TASOR: variants seen among roughly 807,000 people sequenced by gnomAD.
TASOR encodes the protein protein TASOR.
A neutral mutation model predicts 178.6 loss-of-function variants in TASOR; 53 were observed. The ratio of observed to expected loss-of-function variants is 0.30; its 90% CI spans 0.24 to 0.37. The LOEUF (loss-of-function observed/expected upper bound fraction) is 0.37. Among genes scored for constraint, TASOR ranks in the 10% least tolerant of loss-of-function variants. The probability of loss-of-function intolerance (pLI) is 1.00; values close to 1 mark genes in which losing one functional copy is unlikely to be tolerated. For missense variants in TASOR, 1,815 were observed against 1,971.4 expected (o/e 0.92, Z 1.50); for synonymous variants, 713 against 696.2 (o/e 1.02, Z -0.38).
chr3:56,636,818 T>C (rs1214126867), intron 17 of TASOR, among the ~76,000 whole-genome samples: 1 of 152,140 alleles, frequency 6.6e-6, no homozygotes, highest in Non-Finnish European at 1.5e-5. Flanking sequence ...TTACAAAATA[T>C]AAAGATGGTA....
At chr3:56,653,671 T>C (rs924858092) in intron 11 of TASOR, among the ~76,000 whole-genome samples, 62 of 147,428 alleles carry the variant, frequency 4.2e-4, no homozygotes, top group African/African-American at 1.5e-3. Context: ...TGTACAAAAA[T>C]TGACCACACA....
At chr3:56,660,022 C>T (rs1341694476) in intron 11 of TASOR, among the ~76,000 whole-genome samples, 2 of 151,920 alleles carry the variant, frequency 1.3e-5, no homozygotes, top group Non-Finnish European at 2.9e-5. Context: ...TTACACCACA[C>T]CAAGCTAATT....
intron 16 of TASOR, among the ~76,000 whole-genome samples, chr3:56,639,259 A>G (rs2077074204): frequency 6.6e-6 from 1 of 152,184 alleles, no homozygotes; most frequent in Non-Finnish European, 1.5e-5. Flanking sequence ...TTGTTTTTAA[A>G]AGGTTAGAGG....
At chr3:56,640,155 T>C (rs1335028286) in intron 15 of TASOR, 25 bp from the exon 16 acceptor site, 2 of 1,595,854 alleles carry the variant, frequency 1.3e-6, no homozygotes, top group South Asian at 2.3e-5. Flanking sequence ...ACACACTGAA[T>C]AGCTTTATTT....
At chr3:56,663,508 AT>A in intron 8 of TASOR, 32 bp downstream of exon 8, 1 of 1,031,636 alleles carries the variant, frequency 9.7e-7, no homozygotes. Context: ...TATTCTTTCC[AT>A]TTATAAAACT....
chr3:56,654,880 T>C (rs1484412233), intron 11 of TASOR, among the ~76,000 whole-genome samples: 1 of 152,212 alleles, frequency 6.6e-6, no homozygotes, highest in Non-Finnish European at 1.5e-5. Context: ...ACTGAAACTG[T>C]ACCATTGGCT....
intron 15 of TASOR, among the ~76,000 whole-genome samples, chr3:56,640,783 A>G (rs2077104988): frequency 6.6e-6 from 1 of 152,184 alleles, no homozygotes. Context: ...TAAGGCAGAT[A>G]AGGCTACTTC....
chr3:56,643,436 G>A (rs1047175686), intron 14 of TASOR, among the ~76,000 whole-genome samples: 1 of 151,646 alleles, frequency 6.6e-6, no homozygotes, highest in African/African-American at 2.4e-5. Flanking sequence ...AAATGACTGG[G>A]CTCACCACCA....
At chr3:56,680,037 A>G (rs985273314) in intron 1 of TASOR, among the ~76,000 whole-genome samples, 3 of 152,168 alleles carry the variant, frequency 2.0e-5, no homozygotes, top group African/African-American at 7.2e-5. Context: ...TCTATATTTA[A>G]TGAAGGGGGG....
intron 11 of TASOR, among the ~76,000 whole-genome samples, chr3:56,659,938 G>A (rs1423496447): frequency 3.3e-5 from 5 of 151,520 alleles, no homozygotes; most frequent in Non-Finnish European, 5.9e-5. Context: ...GCAATGGTAC[G>A]ATCTTGGCTC....
chr3:56,646,355 A>G (rs2077238039), intron 14 of TASOR, among the ~76,000 whole-genome samples, 167 bp downstream of exon 14: 1 of 152,232 alleles, frequency 6.6e-6, no homozygotes. Context: ...GAGCAGCTAC[A>G]TACACATAAA....
intron 11 of TASOR, among the ~76,000 whole-genome samples, chr3:56,653,539 A>C (rs1189991742): frequency 1.3e-5 from 2 of 152,034 alleles, no homozygotes; most frequent in Non-Finnish European, 2.9e-5. Context: ...CCTAAACAAA[A>C]ATAGAAGCCA....
intron 1 of TASOR, 35 bp downstream of exon 1, chr3:56,682,641 A>G (rs1421694009): frequency 4.2e-6 from 6 of 1,420,934 alleles, no homozygotes; most frequent in South Asian, 1.5e-5. Context: ...TGGAGGGGAG[A>G]GAGAGAGGGG....
intron 1 of TASOR, among the ~76,000 whole-genome samples, chr3:56,681,111 G>C (rs1181174027): frequency 3.3e-5 from 5 of 150,042 alleles, no homozygotes; most frequent in Non-Finnish European, 3.0e-5. Flanking sequence ...AAAAAATCAC[G>C]GTTTGTCCAT....
chr3:56,668,180 A>G (rs1359715783), intron 6 of TASOR, among the ~76,000 whole-genome samples: 1 of 152,154 alleles, frequency 6.6e-6, no homozygotes, highest in Non-Finnish European at 1.5e-5. Flanking sequence ...GTCTATAAAT[A>G]TTACCCTGTA....
chr3:56,679,438 C>T (rs1254830431), intron 1 of TASOR, among the ~76,000 whole-genome samples: 3 of 152,144 alleles, frequency 2.0e-5, no homozygotes, highest in Non-Finnish European at 4.4e-5. Context: ...ATGGAGAGAG[C>T]TATTGTTCTC....
intron 6 of TASOR, among the ~76,000 whole-genome samples, chr3:56,667,785 A>T (rs2030212775): frequency 6.6e-6 from 1 of 152,232 alleles, no homozygotes; most frequent in Non-Finnish European, 1.5e-5. Context: ...TAAAAAGACA[A>T]ACACAAAAAC....
chr3:56,668,292 T>A, intron 6 of TASOR, 105 bp downstream of exon 6: 1 of 1,060,810 alleles, frequency 9.4e-7, no homozygotes, highest in Non-Finnish European at 1.4e-6. Context: ...GACACCAGAG[T>A]CTAGACTAAT....
intron 9 of TASOR, 40 bp downstream of exon 9, chr3:56,662,345 T>C (rs1470498605): frequency 1.9e-6 from 2 of 1,075,624 alleles, no homozygotes; most frequent in South Asian, 1.4e-5. Flanking sequence ...AAGAAAGTGA[T>C]AAAATTAGCA....
Sources: allele counts gnomAD v4.1 joint callset (sites outside exome capture counted in the v4.1 genomes callset), GRCh38; gene constraint gnomAD v4.1.1; transcripts MANE v1.5; gene names NCBI Gene and HGNC (gene_info 2026-07-23, HGNC 2026-07-21).